The following SAMD12 variants were observed in gnomAD, a reference collection of about 807,000 sequenced individuals.
SAMD12 encodes the protein sterile alpha motif domain-containing protein 12.
In SAMD12, 9 loss-of-function variants were observed where a neutral mutation model predicts 15.0. That is an observed-to-expected ratio of 0.60 (90% CI 0.36 to 1.05). The LOEUF is 1.05. Among genes scored for constraint, SAMD12 ranks in the 50% least tolerant of loss-of-function variants. SAMD12 has a pLI of 0.01. For missense variants in SAMD12, 230 were observed against 234.2 expected, an observed-to-expected ratio of 0.98 and a Z score of 0.12; for synonymous variants, 86 against 90.1, an observed-to-expected ratio of 0.96 and a Z score of 0.25.
downstream of SAMD12, among the ~76,000 whole-genome samples, chr8:118,186,178 A>G (rs1235884328): frequency 1.3e-5 from 2 of 152,150 alleles, no homozygotes; most frequent in South Asian, 2.1e-4. Context: ...TACATATATC[A>G]TATTTTCAGA....
At chr8:118,593,511 T>TTTTAA (rs1314931906) in intron 1 of SAMD12, among the ~76,000 whole-genome samples, 1 of 152,204 alleles carries the variant, frequency 6.6e-6, no homozygotes, top group African/African-American at 2.4e-5. Flanking sequence ...AATTATGTTT[T>TTTTAA]TTTAATTTAA....
At chr8:118,354,474 T>C (rs1393048407) in intron 4 of SAMD12, among the ~76,000 whole-genome samples, 1 of 152,262 alleles carries the variant, frequency 6.6e-6, no homozygotes, top group African/African-American at 2.4e-5. Context: ...GTTTCCTCCT[T>C]ATTTCTAAGC....
chr8:118,357,396 T>G (rs749409095), intron 4 of SAMD12, among the ~76,000 whole-genome samples: 1 of 152,070 alleles, frequency 6.6e-6, no homozygotes, highest in African/African-American at 2.4e-5. Flanking sequence ...CACCACCATA[T>G]CCAGCTAATT....
At chr8:118,202,872 C>G (rs1819752920) in intron 4 of SAMD12, among the ~76,000 whole-genome samples, 1 of 152,054 alleles carries the variant, frequency 6.6e-6, no homozygotes, top group Non-Finnish European at 1.5e-5. Flanking sequence ...CATGGTTGCC[C>G]CAGCAGAATA....
At chr8:118,600,879 A>G (rs912881228) in intron 1 of SAMD12, among the ~76,000 whole-genome samples, 6 of 152,126 alleles carry the variant, frequency 3.9e-5, no homozygotes, top group Non-Finnish European at 7.4e-5. Flanking sequence ...AATCTGAACA[A>G]TGTGTTATGT....
chr8:118,564,032 C>T (rs1826779599), intron 2 of SAMD12, among the ~76,000 whole-genome samples: 2 of 151,832 alleles, frequency 1.3e-5, no homozygotes, highest in Non-Finnish European at 2.9e-5. Context: ...GCCAAGTAAG[C>T]ATGAGAGGAG....
chr8:118,390,544 G>C (rs1211119636), intron 3 of SAMD12, among the ~76,000 whole-genome samples: 1 of 152,048 alleles, frequency 6.6e-6, no homozygotes, highest in Non-Finnish European at 1.5e-5. Flanking sequence ...GTGACCCCCA[G>C]CCCAACCTCT....
intron 2 of SAMD12, 135 bp downstream of exon 2, chr8:118,580,580 C>T: frequency 4.8e-6 from 3 of 627,148 alleles, no homozygotes; most frequent in Non-Finnish European, 8.4e-6. Context: ...TATTTATCCG[C>T]AAGATACAGT....
chr8:118,576,166 T>C (rs1827145424), intron 2 of SAMD12, among the ~76,000 whole-genome samples: 1 of 152,176 alleles, frequency 6.6e-6, no homozygotes, highest in South Asian at 2.1e-4. Flanking sequence ...AATGATCATG[T>C]TCTATGTCCA....
chr8:118,536,695 C>G (rs983336991), intron 2 of SAMD12, among the ~76,000 whole-genome samples: 1 of 152,108 alleles, frequency 6.6e-6, no homozygotes, highest in African/African-American at 2.4e-5. Context: ...CCATTTTTAA[C>G]TTTTTGTTAT....
chr8:118,604,940 A>AAAAT (rs1410557226), intron 1 of SAMD12, among the ~76,000 whole-genome samples: 3 of 152,096 alleles, frequency 2.0e-5, no homozygotes, highest in Non-Finnish European at 4.4e-5. Context: ...AAAAAAAATA[A>AAAAT]AAATAAATAA....
Position 118,378,224 on chromosome 8 carries a change from G to A in SAMD12, c.*1193C>T, listed in dbSNP as rs1356864909. The stretch of plus-strand genomic sequence containing the variant: ...ATTATACTGAATCTTATGAATTTAA[G>A]CAGAATTACTTGATTCTTTTCACAT... On this transcript the variant is annotated 3_prime_UTR_variant, in exon 4 of 4. Transcript: ENST00000314727. 2.3e-5 allele frequency: 4 copies of A among 170,482 alleles called. No individual in the cohort carries two copies. Among genetic ancestry groups the A allele is most frequent in the Non-Finnish European group, 3.5e-5 (3 of 84,916 alleles). 10.6% of individuals were successfully genotyped at this position (170,482 alleles called of 1,614,324 possible).
At chr8:118,184,222 C>T in the SAMD12 span, among the ~76,000 whole-genome samples, 3 of 152,142 alleles carry the variant, frequency 2.0e-5, no homozygotes, top group Non-Finnish European at 4.4e-5. Context: ...AGAGCAGCAT[C>T]ATTTAATGAT....
chr8:118,587,257 A>G (rs1302019941), intron 1 of SAMD12, among the ~76,000 whole-genome samples: 1 of 152,238 alleles, frequency 6.6e-6, no homozygotes, highest in East Asian at 1.9e-4. Flanking sequence ...AATATAATAT[A>G]CACATAACAC....
chr8:118,540,198 AT>A (rs1219420486), intron 2 of SAMD12, among the ~76,000 whole-genome samples: 1 of 152,154 alleles, frequency 6.6e-6, no homozygotes, highest in African/African-American at 2.4e-5. Context: ...ATTGTCACTC[AT>A]TTTAAAAGTC....
chr8:118,287,444 C>T (rs529968967), intron 4 of SAMD12, among the ~76,000 whole-genome samples: 19 of 152,012 alleles, frequency 1.2e-4, no homozygotes, highest in Non-Finnish European at 2.4e-4. Context: ...ATTCTTTAAA[C>T]CGACAGCAAA....
downstream of SAMD12, among the ~76,000 whole-genome samples, chr8:118,376,965 A>G (rs1441403600): frequency 9.1e-6 from 1 of 110,152 alleles, no homozygotes; most frequent in African/African-American, 4.4e-5. Context: ...TTTAACGCTA[A>G]TCTGTCTTTA....
intron 1 of SAMD12, among the ~76,000 whole-genome samples, chr8:118,592,953 G>C (rs1827620498): frequency 6.6e-6 from 1 of 152,196 alleles, no homozygotes; most frequent in African/African-American, 2.4e-5. Context: ...GTTCTGGTTT[G>C]ACTTAATGAA....
the SAMD12 span, among the ~76,000 whole-genome samples, chr8:118,141,380 A>G: frequency 6.6e-6 from 1 of 152,258 alleles, no homozygotes; most frequent in Non-Finnish European, 1.5e-5. Flanking sequence ...TTAGAAGTTT[A>G]TCAATAAGTT....
Sources: gnomAD v4.1 joint callset for allele counts (sites outside exome capture counted in the v4.1 genomes callset) on GRCh38, gnomAD v4.1.1 for gene constraint, MANE v1.5 for transcripts, NCBI Gene and HGNC (gene_info 2026-07-23, HGNC 2026-07-21) for gene names.